Variants in PARD3 observed in about 807,000 individuals in gnomAD.
PARD3 encodes the protein par-3 family cell polarity regulator, also known as partitioning defective 3 homolog.
PARD3 carries 75 observed loss-of-function variants against 155.4 expected under a neutral mutation model. The ratio of observed to expected loss-of-function variants is 0.48; its 90% CI spans 0.40 to 0.58. PARD3 has a LOEUF of 0.58. Among genes scored for constraint, PARD3 ranks in the 20% least tolerant of loss-of-function variants. The pLI is 0.00. For missense variants in PARD3, 1,642 were observed against 1,721.7 expected, an observed-to-expected ratio of 0.95 and a Z score of 0.82; for synonymous variants, 576 against 610.5, an observed-to-expected ratio of 0.94 and a Z score of 0.83.
At chr10:34,786,161 T>G (rs1412083200) in intron 1 of PARD3, among the ~76,000 whole-genome samples, 2 of 152,220 alleles carry the variant, frequency 1.3e-5, no homozygotes, top group African/African-American at 4.8e-5. Context: ...ACTTTTTCCC[T>G]CTCACCCAGC....
At chr10:34,756,267 C>G (rs1454032273) in intron 1 of PARD3, among the ~76,000 whole-genome samples, 1 of 147,732 alleles carries the variant, frequency 6.8e-6, no homozygotes, top group East Asian at 2.0e-4. Context: ...CATTCTCCTG[C>G]CTCAGCCTCC....
In PARD3 at chr10:34,111,318, T is replaced by C; in HGVS notation, c.3913A>G (p.Ser1305Gly). Reference protein sequence around the residue: ...MKKQPPSEGPSNYDSYKKVQD... With the variant: ...MKKQPPSEGPGNYDSYKKVQD... ...ACTTTCTTATACGAGTCATAGTTGC[T>C]GGGCCCCTCGGAAGGAGGCTGCTTC... is the stretch of plus-strand genomic sequence containing the variant. The change falls in exon 25 of 25, where the codon AGC becomes GGC. Residue 1305 changes from serine to glycine, a missense_variant. Transcript: ENST00000374788. 4 of 1,614,028 alleles carry C rather than the reference T, an allele frequency of 2.5e-6. No homozygotes were observed. The highest frequency in any genetic ancestry group is 2.5e-6 in the Non-Finnish European group (3 of 1,179,898).
chr10:34,358,692 C>T (rs1460833897), intron 14 of PARD3, among the ~76,000 whole-genome samples: 1 of 152,034 alleles, frequency 6.6e-6, no homozygotes. Context: ...GATCCTGTCT[C>T]AAATAAAAAA....
intron 9 of PARD3, among the ~76,000 whole-genome samples, chr10:34,380,692 G>A (rs1841734334): frequency 6.6e-6 from 1 of 151,884 alleles, no homozygotes; most frequent in Non-Finnish European, 1.5e-5. Flanking sequence ...CATTTAAAAA[G>A]TTCATGTTAT....
intron 20 of PARD3, among the ~76,000 whole-genome samples, chr10:34,305,741 G>A (rs1206554605): frequency 2.6e-5 from 4 of 152,198 alleles, no homozygotes; most frequent in Non-Finnish European, 5.9e-5. Context: ...TAGACTGGGA[G>A]GCCAGGCAGG....
chr10:34,410,886 A>C (rs1383823014), intron 5 of PARD3, among the ~76,000 whole-genome samples: 1 of 152,190 alleles, frequency 6.6e-6, no homozygotes, highest in Non-Finnish European at 1.5e-5. Context: ...CTGTCCTGTA[A>C]CATTACCCAT....
intron 20 of PARD3, among the ~76,000 whole-genome samples, chr10:34,301,824 T>TC (rs1554826245): frequency 8.0e-6 from 1 of 124,326 alleles, no homozygotes; most frequent in Non-Finnish European, 1.9e-5. Flanking sequence ...CTTTCTTTTT[T>TC]TTTTTTTTTT....
At chr10:34,343,591 G>A (rs1285636315) in intron 15 of PARD3, 1 of 985,028 alleles carries the variant, frequency 1.0e-6, no homozygotes, top group Non-Finnish European at 1.2e-6. Flanking sequence ...TGCTTGCCAG[G>A]AATATAGTTT....
At chr10:34,167,112 C>T (rs573746028) in intron 22 of PARD3, among the ~76,000 whole-genome samples, 43 of 152,320 alleles carry the variant, frequency 2.8e-4, no homozygotes, top group Admixed American at 1.1e-3. Context: ...CTGCCGCTTA[C>T]GGGCCTGGGT....
At chr10:34,194,008 T>G (rs1202340008) in intron 22 of PARD3, among the ~76,000 whole-genome samples, 1 of 152,064 alleles carries the variant, frequency 6.6e-6, no homozygotes, top group East Asian at 1.9e-4. Context: ...AGAAGCAAAA[T>G]GGTAGAAAAG....
In PARD3 at chr10:34,341,615, C is replaced by T. The variant is rs533899212; in HGVS notation, c.2408+12G>A. ...TTAATTCATGTTTTCCAACCCTGGACGATGAGCTTACCAGTCGGCTGAATC... is the reference window on the plus strand; with the variant it reads ...TTAATTCATGTTTTCCAACCCTGGATGATGAGCTTACCAGTCGGCTGAATC... On this transcript the variant is annotated intron_variant, in intron 16 of 24. Transcript: ENST00000374788. The T allele has an allele frequency of 1.0e-5, 16 of 1,604,734 alleles. No individual in the cohort carries two copies. Among genetic ancestry groups the T allele is most frequent in the Middle Eastern group, 3.5e-4 (2 of 5,640 alleles).
At chr10:34,602,921 A>G (rs1319692828) in intron 2 of PARD3, among the ~76,000 whole-genome samples, 1 of 152,232 alleles carries the variant, frequency 6.6e-6, no homozygotes, top group Non-Finnish European at 1.5e-5. Flanking sequence ...GGTCCAAAAA[A>G]TGTCAAATGT....
chr10:34,221,405 T>C (rs956460368), intron 22 of PARD3, among the ~76,000 whole-genome samples: 1 of 151,620 alleles, frequency 6.6e-6, no homozygotes, highest in Non-Finnish European at 1.5e-5. Flanking sequence ...TTTTTTTTTT[T>C]TGATAAGTAA....
chr10:34,713,202 A>C (rs571986730), intron 1 of PARD3, among the ~76,000 whole-genome samples: 1 of 148,760 alleles, frequency 6.7e-6, no homozygotes, highest in Admixed American at 6.8e-5. Context: ...ACAGAGTGAG[A>C]CTCCATCTCA....
chr10:34,431,808 G>A (rs978886901), intron 5 of PARD3, among the ~76,000 whole-genome samples: 5 of 135,112 alleles, frequency 3.7e-5, no homozygotes, highest in Non-Finnish European at 6.5e-5. Flanking sequence ...CCAGCAGTTT[G>A]GGAGGCCGAG....
At chr10:34,442,348 C>G (rs2076507627) in intron 5 of PARD3, among the ~76,000 whole-genome samples, 1 of 152,202 alleles carries the variant, frequency 6.6e-6, no homozygotes, top group African/African-American at 2.4e-5. Flanking sequence ...TTCTATAGCT[C>G]TTCCACGGTT....
chr10:34,698,284 T>C (rs2094210650), intron 1 of PARD3, among the ~76,000 whole-genome samples: 1 of 152,178 alleles, frequency 6.6e-6, no homozygotes, highest in African/African-American at 2.4e-5. Context: ...TCCGCACCTA[T>C]GGACTTTCTC....
Position 34,420,663 on chromosome 10 carries a change from C to T in PARD3, c.715-18746G>A, listed in dbSNP as rs986915808. Among the ~76,000 whole-genome samples, 48 of 152,140 alleles carry T rather than the reference C, an allele frequency of 3.2e-4. 1 individual carries two copies. The highest frequency in any genetic ancestry group is 1.0e-4 in the Non-Finnish European group (7 of 68,038). ...AACTTTGTTACATATTTTACATGTACATGTACAATAATTCTTGTAGAAATT... is the reference window on the plus strand; with the variant it reads ...AACTTTGTTACATATTTTACATGTATATGTACAATAATTCTTGTAGAAATT... On this transcript the variant is annotated intron_variant, in intron 5 of 24. Coordinates refer to ENST00000374788, the MANE Select transcript of PARD3 (RefSeq NM_001184785.2).
At chr10:34,494,638 T>C (rs1250303912) in intron 3 of PARD3, among the ~76,000 whole-genome samples, 4 of 152,250 alleles carry the variant, frequency 2.6e-5, no homozygotes, top group African/African-American at 9.6e-5. Context: ...ATAGGACTTT[T>C]ATTTAATGAT....
Sources: gnomAD v4.1 joint callset for allele counts (sites outside exome capture counted in the v4.1 genomes callset) on GRCh38, gnomAD v4.1.1 for gene constraint, MANE v1.5 for transcripts, NCBI Gene and HGNC (gene_info 2026-07-23, HGNC 2026-07-21) for gene names.